AHCYL1: variants seen among roughly 807,000 people sequenced by gnomAD.
The protein encoded by AHCYL1 is S-adenosylhomocysteine hydrolase-like protein 1.
Under a neutral mutation model 79.3 loss-of-function variants are expected in AHCYL1, and 20 were observed. That is an observed-to-expected ratio of 0.25 (90% confidence interval 0.18 to 0.37). The LOEUF (loss-of-function observed/expected upper bound fraction) is 0.37. Ranked by LOEUF, AHCYL1 falls within the 10% of genes least tolerant of loss-of-function variation. AHCYL1 has a pLI of 1.00. For synonymous variants in AHCYL1, 223 were observed against 242.2 expected (o/e 0.92, Z 0.74); for missense variants, 330 against 673.6 (o/e 0.49, Z 5.65).
chr1:110,008,799 C>T (rs937148978), intron 1 of AHCYL1, among the ~76,000 whole-genome samples: 4 of 152,040 alleles, frequency 2.6e-5, no homozygotes, highest in Non-Finnish European at 5.9e-5. Flanking sequence ...GGTTCTTAAC[C>T]TTAGCCCCTC....
chr1:110,011,704 G>A (rs974288060), intron 3 of AHCYL1, among the ~76,000 whole-genome samples: 2 of 152,222 alleles, frequency 1.3e-5, no homozygotes, highest in African/African-American at 4.8e-5. Flanking sequence ...GCCAATGGCA[G>A]AGACCCAGAT....
chr1:109,986,551 A>G (rs554616757), intron 1 of AHCYL1, among the ~76,000 whole-genome samples: 13 of 152,360 alleles, frequency 8.5e-5, no homozygotes, highest in Non-Finnish European at 1.8e-4. Context: ...AATCTGCACT[A>G]TTCTTTGGAG....
chr1:109,987,008 G>A (rs1002105384), intron 1 of AHCYL1, among the ~76,000 whole-genome samples: 2 of 152,204 alleles, frequency 1.3e-5, no homozygotes, highest in Admixed American at 1.3e-4. Flanking sequence ...AAAAGAAGCA[G>A]GCTCTGCCAG....
At chr1:110,021,565 C>T in intron 16 of AHCYL1, 109 bp from the exon 17 acceptor site, 3 of 1,030,900 alleles carry the variant, frequency 2.9e-6, no homozygotes, top group Non-Finnish European at 4.4e-6. Context: ...TGCAGGGATC[C>T]CACCCAGGCT....
rs761311284 is a variant in AHCYL1 at position 110,014,874 on chromosome 1, A to G, written c.675+17A>G. On this transcript the variant is annotated intron_variant, in intron 6 of 16. Coordinates refer to ENST00000369799, the MANE Select transcript of AHCYL1 (RefSeq NM_006621.7). Reference sequence around the variant, plus strand: ...GCCAACATGGTAATAATGCATATACATCCTACACTTTGACAATAGATTTAT... The same window carrying G: ...GCCAACATGGTAATAATGCATATACGTCCTACACTTTGACAATAGATTTAT... 2.1e-5 allele frequency: 33 copies of G among 1,598,652 alleles called. No homozygotes were observed. The highest frequency in any genetic ancestry group is 2.8e-5 in the Non-Finnish European group (33 of 1,165,984).
intron 16 of AHCYL1, 66 bp from the exon 17 acceptor site, chr1:110,021,608 C>T (rs1651798213): frequency 5.2e-6 from 8 of 1,553,138 alleles, no homozygotes; most frequent in Admixed American, 1.7e-5. Flanking sequence ...GCTCTGTTTC[C>T]GATTGTTTTT....
In AHCYL1 at chr1:109,985,463, A is replaced by G. The variant is rs1284218563; in HGVS notation, c.120+291A>G. 62 of 1,118,816 alleles carry G rather than the reference A, an allele frequency of 5.5e-5. No homozygotes were observed. The Admixed American group carries it at 2.7e-3, about 48-fold the overall frequency. 69.3% of individuals were successfully genotyped at this position (1,118,816 alleles called of 1,614,324 possible). A position where few individuals can be genotyped will look rare whatever the true frequency, so the allele number is the denominator to read the frequency against. ...TCCTGGATGAAGGGCCTCGAAGACGAGAGTGGGAGGGGGTGAACCAACTCA... is the reference window on the plus strand; with the variant it reads ...TCCTGGATGAAGGGCCTCGAAGACGGGAGTGGGAGGGGGTGAACCAACTCA... On this transcript the variant is annotated intron_variant, in intron 1 of 16. Transcript: ENST00000369799.
intron 14 of AHCYL1, 47 bp from the exon 15 acceptor site, chr1:110,019,501 G>A (rs1246931800): frequency 6.5e-7 from 1 of 1,527,220 alleles, no homozygotes; most frequent in Non-Finnish European, 8.9e-7. Context: ...TTATGTGCCT[G>A]TCTAAGAAAT....
chr1:110,001,976 G>A (rs182736079), intron 1 of AHCYL1, among the ~76,000 whole-genome samples: 3 of 152,114 alleles, frequency 2.0e-5, no homozygotes, highest in East Asian at 1.9e-4. Context: ...ACCTTGACAC[G>A]TCACTCAGTA....
intron 1 of AHCYL1, among the ~76,000 whole-genome samples, chr1:109,996,623 C>T (rs140155153): frequency 6.6e-6 from 1 of 152,280 alleles, no homozygotes; most frequent in East Asian, 1.9e-4. Flanking sequence ...AAACTGTGCC[C>T]TTAGGCAATT....
chr1:110,018,738 C>A (rs897912913), intron 13 of AHCYL1, 88 bp downstream of exon 13: 9 of 1,193,726 alleles, frequency 7.5e-6, no homozygotes, highest in Non-Finnish European at 1.1e-5. Context: ...AATATTAGGC[C>A]TATGTTTCCC....
intron 1 of AHCYL1, among the ~76,000 whole-genome samples, chr1:110,000,419 T>TAA (rs1301800972): frequency 6.6e-6 from 1 of 152,254 alleles, no homozygotes; most frequent in Non-Finnish European, 1.5e-5. Flanking sequence ...GCTCTGCTAT[T>TAA]ACTGGGCTCT....
chr1:110,009,150 G>A lies in AHCYL1; in HGVS notation c.232+5G>A, dbSNP rs766765595. 6.8e-6 allele frequency: 11 copies of A among 1,606,310 alleles called. No individual in the cohort carries two copies. In the Middle Eastern group the frequency reaches 5.0e-4, roughly 72 times the overall value. On this transcript the variant is annotated splice_donor_5th_base_variant and intron_variant, in intron 2 of 16. Transcript: ENST00000369799. ...CCACTGACAGCTACAGTTCAGGTAGGTGTGAATGAACTCCATGTCCTCTCT... is the reference window on the plus strand; with the variant it reads ...CCACTGACAGCTACAGTTCAGGTAGATGTGAATGAACTCCATGTCCTCTCT...
chr1:110,022,985 A>T lies in AHCYL1; in HGVS notation c.*1305A>T, dbSNP rs984964765. 1.3e-5 allele frequency: 2 copies of T among 152,638 alleles called. No homozygotes were observed. Among genetic ancestry groups the T allele is most frequent in the Admixed American group, 1.3e-4 (2 of 15,284 alleles). 9.5% of individuals were successfully genotyped at this position (152,638 alleles called of 1,614,324 possible). On this transcript the variant is annotated 3_prime_UTR_variant, in exon 17 of 17. Transcript: ENST00000369799. ...AATATCCAGAGAGGCTCTCTCAAAG[A>T]TCAGGGAGATGTATTCCCATGCCAT... is the stretch of plus-strand genomic sequence containing the variant.
intron 6 of AHCYL1, 93 bp from the exon 7 acceptor site, chr1:110,015,332 C>A: frequency 1.0e-6 from 1 of 964,436 alleles, no homozygotes; most frequent in Non-Finnish European, 1.7e-6. Flanking sequence ...CCAAAACATA[C>A]AGGGCTCTCT....
chr1:110,010,895 C>T (rs1650981795), intron 2 of AHCYL1, among the ~76,000 whole-genome samples: 1 of 152,204 alleles, frequency 6.6e-6, no homozygotes, highest in African/African-American at 2.4e-5. Context: ...GGTCTGGTTC[C>T]AATCCAGATG....
intron 1 of AHCYL1, among the ~76,000 whole-genome samples, chr1:109,999,156 T>TAA (rs59438691): frequency 6.9e-6 from 1 of 145,438 alleles, no homozygotes; most frequent in African/African-American, 2.5e-5. Context: ...TCTGTCTCTT[T>TAA]AAAAAAAAAA....
chr1:110,020,518 G>A (rs542304479), intron 15 of AHCYL1, among the ~76,000 whole-genome samples: 11 of 151,608 alleles, frequency 7.3e-5, no homozygotes, highest in East Asian at 1.9e-4. Context: ...TTTTCTGAAC[G>A]CACTGTACAT....
chr1:110,019,704 TAG>T, intron 15 of AHCYL1, 78 bp downstream of exon 15: 1 of 1,394,790 alleles, frequency 7.2e-7, no homozygotes, highest in Non-Finnish European at 9.9e-7. Flanking sequence ...GCATTGGATT[TAG>T]AGTCAGAGTT....
Sources: allele counts gnomAD v4.1 joint callset (sites outside exome capture counted in the v4.1 genomes callset), GRCh38; gene constraint gnomAD v4.1.1; transcripts MANE v1.5; gene names NCBI Gene and HGNC (gene_info 2026-07-23, HGNC 2026-07-21).